Variants in ZNF215 observed in about 807,000 individuals in gnomAD.
The protein encoded by ZNF215 is BWSCR2-associated zinc finger protein 2.
In ZNF215, 24 loss-of-function variants were observed where a neutral mutation model predicts 27.2. That is an observed-to-expected ratio of 0.88 (90% CI 0.64 to 1.24). The LOEUF is 1.24. ZNF215 is among the 50% of genes most tolerant of loss of function. The probability of loss-of-function intolerance (pLI) is 0.00; values close to 1 mark genes in which losing one functional copy is unlikely to be tolerated. For synonymous variants in ZNF215, 210 were observed against 204.0 expected (o/e 1.03, Z -0.25); for missense variants, 675 against 605.7 (o/e 1.11, Z -1.20).
chr11:6,982,197 G>C (rs1266997905), intron 5 of ZNF215, among the ~76,000 whole-genome samples: 2 of 151,932 alleles, frequency 1.3e-5, no homozygotes, highest in Non-Finnish European at 2.9e-5. Flanking sequence ...AATTACCCGG[G>C]GCAGTATGGC....
chr11:6,945,314 T>C (rs891651048), intron 6 of ZNF215, among the ~76,000 whole-genome samples: 2 of 152,192 alleles, frequency 1.3e-5, no homozygotes, highest in African/African-American at 4.8e-5. Context: ...GTCTCATTTT[T>C]CCATCAGCTT....
At chr11:6,949,256 A>C (rs989382322) in intron 6 of ZNF215, among the ~76,000 whole-genome samples, 2 of 152,174 alleles carry the variant, frequency 1.3e-5, no homozygotes, top group Non-Finnish European at 2.9e-5. Flanking sequence ...TCCTTTGGGT[A>C]TATTCCCAGT....
At chr11:6,977,011 C>T (rs1850848195) in intron 5 of ZNF215, among the ~76,000 whole-genome samples, 1 of 152,004 alleles carries the variant, frequency 6.6e-6, no homozygotes, top group African/African-American at 2.4e-5. Flanking sequence ...GGGCTTGTGG[C>T]TACATCACTT....
chr11:6,978,062 C>A (rs1850869649), intron 5 of ZNF215, among the ~76,000 whole-genome samples: 1 of 152,008 alleles, frequency 6.6e-6, no homozygotes, highest in South Asian at 2.1e-4. Flanking sequence ...ACTAACATTA[C>A]TAAGCATTTA....
chr11:6,984,768 T>C (rs1590090467), downstream of ZNF215: 1 of 152,186 alleles, frequency 6.6e-6, no homozygotes, highest in South Asian at 2.1e-4. Flanking sequence ...TTACATAAAC[T>C]AACTTTTTAG....
intron 3 of ZNF215, among the ~76,000 whole-genome samples, chr11:6,937,583 A>C (rs541233169): frequency 6.6e-6 from 1 of 150,948 alleles, no homozygotes; most frequent in African/African-American, 2.4e-5. Flanking sequence ...AACTGCCTTC[A>C]TAAAGAAGAT....
Position 6,956,634 on chromosome 11 carries a change from T to C in ZNF215, c.*103T>C. 1 of 1,417,940 alleles carries C rather than the reference T, an allele frequency of 7.1e-7. No individual in the cohort carries two copies. The allele number at this position is 1,417,940 out of a possible 1,614,324, so 87.8% of individuals were successfully genotyped here. On this transcript the variant is annotated 3_prime_UTR_variant, in exon 7 of 7. Coordinates refer to ENST00000278319, the MANE Select transcript of ZNF215 (RefSeq NM_013250.4). ...CTCATGAATATAATGTAAGAAAACA[T>C]TTGTCAGATTTTTCTTTAAATGATA...
chr11:6,950,482 C>G (rs908846430), intron 6 of ZNF215, among the ~76,000 whole-genome samples: 4 of 151,990 alleles, frequency 2.6e-5, no homozygotes, highest in African/African-American at 9.7e-5. Flanking sequence ...GTATTTTATT[C>G]TCTTTGAAGC....
downstream of ZNF215, among the ~76,000 whole-genome samples, chr11:6,958,801 G>C (rs1277830285): frequency 6.6e-6 from 1 of 152,180 alleles, no homozygotes; most frequent in African/African-American, 2.4e-5. Flanking sequence ...GAAGGTCCAA[G>C]AGTCCCAAAG....
intron 4 of ZNF215, among the ~76,000 whole-genome samples, 184 bp downstream of exon 4, chr11:6,941,837 T>C (rs1417748118): frequency 6.6e-6 from 1 of 152,222 alleles, no homozygotes; most frequent in Non-Finnish European, 1.5e-5. Flanking sequence ...ATAGTCTCTG[T>C]GTATCTGTTC....
chr11:6,964,842 C>T (rs1850586103), intron 5 of ZNF215, among the ~76,000 whole-genome samples: 1 of 151,954 alleles, frequency 6.6e-6, no homozygotes, highest in South Asian at 2.1e-4. Context: ...TGTCTTTTAA[C>T]ACTGTTTTAC....
chr11:6,932,181 G>A lies in ZNF215; in HGVS notation c.-92G>A. 2 of 1,484,098 alleles carry A rather than the reference G, an allele frequency of 1.3e-6. No homozygotes were observed. Among genetic ancestry groups the A allele is most frequent in the East Asian group, 2.3e-5 (1 of 43,974 alleles). The allele number at this position is 1,484,098 out of a possible 1,614,324, so 91.9% of individuals were successfully genotyped here. ...GAAATAACTTGGCTTAAATCACACT[G>A]CATATAGTACACAGGTGCTTAGCTC... On this transcript the variant is annotated 5_prime_UTR_variant, in exon 3 of 7. Transcript: ENST00000278319.
downstream of ZNF215, among the ~76,000 whole-genome samples, chr11:6,961,144 C>T (rs1055296584): frequency 1.1e-4 from 16 of 152,050 alleles, no homozygotes; most frequent in African/African-American, 2.4e-4. Flanking sequence ...TTTGGTCCAT[C>T]GTAGAATTTG....
At chr11:6,939,707 C>T (rs143116834) in intron 3 of ZNF215, among the ~76,000 whole-genome samples, 2 of 151,998 alleles carry the variant, frequency 1.3e-5, no homozygotes, top group African/African-American at 2.4e-5. Flanking sequence ...GAAAACATGA[C>T]GGTAAAACTT....
chr11:6,973,513 C>T (rs79165844), intron 5 of ZNF215, among the ~76,000 whole-genome samples: 1 of 152,034 alleles, frequency 6.6e-6, no homozygotes, highest in Non-Finnish European at 1.5e-5. Flanking sequence ...AGTCCCACCA[C>T]CAGTGTAAAA....
intron 2 of ZNF215, among the ~76,000 whole-genome samples, chr11:6,931,272 C>T (rs1849249217): frequency 6.6e-6 from 1 of 152,190 alleles, no homozygotes; most frequent in African/African-American, 2.4e-5. Context: ...AAGTTGTGCT[C>T]AGTTGTTATG....
chr11:6,951,062 C>G (rs1229895047), intron 6 of ZNF215, among the ~76,000 whole-genome samples: 1 of 152,140 alleles, frequency 6.6e-6, no homozygotes, highest in Non-Finnish European at 1.5e-5. Flanking sequence ...TTGAACCAGC[C>G]TTGCATACCA....
intron 1 of ZNF215, 194 bp downstream of exon 1, chr11:6,926,879 TGGA>T (rs1375303160): frequency 1.5e-5 from 2 of 137,650 alleles, no homozygotes; most frequent in Non-Finnish European, 3.0e-5. Flanking sequence ...CCGGAAAACC[TGGA>T]GGAGGGCGCG....
At chr11:6,950,426 T>A (rs919007715) in intron 6 of ZNF215, among the ~76,000 whole-genome samples, 7 of 152,134 alleles carry the variant, frequency 4.6e-5, no homozygotes, top group African/African-American at 1.7e-4. Context: ...GGTTTGTAGT[T>A]CTCCTTGAAG....
Sources: gnomAD v4.1 joint callset for allele counts (sites outside exome capture counted in the v4.1 genomes callset) on GRCh38, gnomAD v4.1.1 for gene constraint, MANE v1.5 for transcripts, NCBI Gene and HGNC (gene_info 2026-07-23, HGNC 2026-07-21) for gene names.